Variants in PLSCR1 observed in about 807,000 individuals in gnomAD.
The protein encoded by PLSCR1 is PL scramblase 1.
A neutral mutation model predicts 37.8 loss-of-function variants in PLSCR1; 17 were observed. The observed-to-expected ratio is 0.45, with a 90% CI of 0.31 to 0.68. The LOEUF (loss-of-function observed/expected upper bound fraction) is 0.68. Ranked by LOEUF, PLSCR1 falls within the 30% of genes least tolerant of loss-of-function variation. The pLI, the probability that PLSCR1 is intolerant of heterozygous loss-of-function variation, is 0.06. For missense variants in PLSCR1, 347 were observed against 380.9 expected (o/e 0.91, Z 0.74); for synonymous variants, 116 against 125.9 (o/e 0.92, Z 0.53).
intron 3 of PLSCR1, 136 bp from the exon 4 acceptor site, chr3:146,528,967 C>T: frequency 1.5e-6 from 1 of 647,702 alleles, no homozygotes; most frequent in East Asian, 2.7e-5. Flanking sequence ...ATACGCTTTT[C>T]TCTTTCTGAG....
At chr3:146,521,801 T>C in intron 6 of PLSCR1, 32 bp downstream of exon 6, 1 of 1,588,280 alleles carries the variant, frequency 6.3e-7, no homozygotes, top group South Asian at 1.1e-5. Context: ...GCTGAACTAT[T>C]TTACAAAGTG....
intron 7 of PLSCR1, among the ~76,000 whole-genome samples, chr3:146,520,543 C>T (rs1336548033): frequency 5.9e-5 from 9 of 152,100 alleles, no homozygotes; most frequent in Non-Finnish European, 1.3e-4. Context: ...TTTAAAGTTT[C>T]TATATCACAT....
intron 4 of PLSCR1, 67 bp from the exon 5 acceptor site, chr3:146,525,714 T>A: frequency 1.4e-6 from 1 of 701,886 alleles, no homozygotes; most frequent in Non-Finnish European, 2.5e-6. Flanking sequence ...CTAACCAAAT[T>A]AAAATTCATG....
At chr3:146,537,797 A>G (rs1406621637) in intron 1 of PLSCR1, among the ~76,000 whole-genome samples, 1 of 152,078 alleles carries the variant, frequency 6.6e-6, no homozygotes, top group Non-Finnish European at 1.5e-5. Flanking sequence ...TTGAGCCTGG[A>G]ATATTGACGG....
At chr3:146,527,483 T>C (rs1237590609) in intron 4 of PLSCR1, among the ~76,000 whole-genome samples, 1 of 152,182 alleles carries the variant, frequency 6.6e-6, no homozygotes, top group African/African-American at 2.4e-5. Flanking sequence ...CAAAAACAAT[T>C]CAAAAGGTAG....
In PLSCR1 at chr3:146,528,782, G is replaced by T; in HGVS notation, c.144C>A (p.Pro48=). 6.2e-7 allele frequency: 1 copy of T among 1,614,186 alleles called. No homozygotes were observed. The highest frequency in any genetic ancestry group is 1.3e-5 in the African/African-American group (1 of 75,056). Residue 48 remains proline (P), a synonymous_variant, in exon 4 of 9, where the codon CCC becomes CCA. Coordinates refer to ENST00000342435, the MANE Select transcript of PLSCR1 (RefSeq NM_021105.3). ...CAGGACCTGAATGGCCGGCTGGTGG[G>T]GGTGGGTAGCTGACCTGGGGCCCAG... ...GYPGPQVSYP[P]PPAGHSGPGP...
rs146542787 is a variant in PLSCR1, at chr3:146,542,441, C to T, written c.-14+2026G>A. Among the ~76,000 whole-genome samples the T allele has an allele frequency of 1.4e-3, 216 of 152,308 alleles. 1 individual carries two copies. The highest frequency in any genetic ancestry group is 4.8e-3 in the African/African-American group (200 of 41,562). Reference sequence around the variant, plus strand: ...GTGTAAGTAAATTCTATGACGTTCTCACAACCACAAAATTGCCTCATGATG... The same window carrying T: ...GTGTAAGTAAATTCTATGACGTTCTTACAACCACAAAATTGCCTCATGATG... On this transcript the variant is annotated intron_variant, in intron 1 of 8. Coordinates refer to ENST00000342435, the MANE Select transcript of PLSCR1 (RefSeq NM_021105.3).
At chr3:146,529,595 C>G (rs2044168337) in intron 3 of PLSCR1, among the ~76,000 whole-genome samples, 1 of 151,772 alleles carries the variant, frequency 6.6e-6, no homozygotes, top group African/African-American at 2.4e-5. Flanking sequence ...TCACTGCAAG[C>G]TCCACCTCCT....
intron 1 of PLSCR1, among the ~76,000 whole-genome samples, chr3:146,542,787 A>G (rs974356070): frequency 6.6e-6 from 1 of 152,208 alleles, no homozygotes; most frequent in Non-Finnish European, 1.5e-5. Flanking sequence ...CTTCCTATAT[A>G]AATATTCACT....
chr3:146,538,356 A>G (rs2044293351), intron 1 of PLSCR1, among the ~76,000 whole-genome samples: 1 of 152,190 alleles, frequency 6.6e-6, no homozygotes, highest in Non-Finnish European at 1.5e-5. Flanking sequence ...TCTACCATCA[A>G]AGACTATACT....
chr3:146,539,571 G>C (rs2044310497), intron 1 of PLSCR1, among the ~76,000 whole-genome samples: 1 of 152,118 alleles, frequency 6.6e-6, no homozygotes, highest in Non-Finnish European at 1.5e-5. Flanking sequence ...CCTTTCACAA[G>C]GTCAGAGATC....
At chr3:146,539,753 G>C (rs539627802) in intron 1 of PLSCR1, among the ~76,000 whole-genome samples, 3 of 152,066 alleles carry the variant, frequency 2.0e-5, no homozygotes, top group Non-Finnish European at 4.4e-5. Context: ...ATAAAATCTG[G>C]GTCTTTGCTT....
chr3:146,518,759 T>G (rs1362546828), intron 7 of PLSCR1, among the ~76,000 whole-genome samples: 2 of 152,186 alleles, frequency 1.3e-5, no homozygotes, highest in Admixed American at 1.3e-4. Flanking sequence ...ATAATGATCT[T>G]CAACCAATAA....
In PLSCR1 at chr3:146,528,765, G is replaced by A. The variant is rs528799977; in HGVS notation, c.161C>T (p.Ser54Leu). The A allele has an allele frequency of 6.2e-7, 1 of 1,614,202 alleles. No individual in the cohort carries two copies. The highest frequency in any genetic ancestry group is 8.5e-7 in the Non-Finnish European group (1 of 1,180,026). ...VSYPPPPAGH[S>L]GPGPAGFPVP... ...AGGAAAGCCAGCTGGGCCAGGACCTGAATGGCCGGCTGGTGGGGGTGGGTA... is the reference window on the plus strand; with the variant it reads ...AGGAAAGCCAGCTGGGCCAGGACCTAAATGGCCGGCTGGTGGGGGTGGGTA... The change falls in exon 4 of 9, where the codon TCA becomes TTA. Residue 54 changes from serine to leucine, a missense_variant. Coordinates refer to ENST00000342435, the MANE Select transcript of PLSCR1 (RefSeq NM_021105.3).
At chr3:146,521,457 T>A (rs1311255556) in intron 7 of PLSCR1, 87 bp downstream of exon 7, 2 of 1,134,846 alleles carry the variant, frequency 1.8e-6, no homozygotes, top group Non-Finnish European at 2.6e-6. Flanking sequence ...CACACAACAC[T>A]TATTTAATGC....
Position 146,528,798 on chromosome 3 carries a change from T to C in PLSCR1, c.128A>G (p.Gln43Arg). Residue 43 changes from glutamine (Q) to arginine (R), a missense_variant, in exon 4 of 9, where the codon CAG (glutamine) becomes CGG (arginine). Coordinates refer to ENST00000342435, the MANE Select transcript of PLSCR1 (RefSeq NM_021105.3). ...GGCTGGTGGGGGTGGGTAGCTGACCTGGGGCCCAGGGTAGCCACTATATCC... is the reference window on the plus strand; with the variant it reads ...GGCTGGTGGGGGTGGGTAGCTGACCCGGGGCCCAGGGTAGCCACTATATCC... ...PPGYSGYPGP[Q>R]VSYPPPPAGH... 1.2e-6 allele frequency: 2 copies of C among 1,613,478 alleles called. No individual in the cohort carries two copies. The highest frequency in any genetic ancestry group is 1.7e-6 in the Non-Finnish European group (2 of 1,179,894).
At chr3:146,520,118 T>C (rs1245475134) in intron 7 of PLSCR1, 2 of 152,104 alleles carry the variant, frequency 1.3e-5, no homozygotes, top group African/African-American at 4.8e-5. Flanking sequence ...GTCAACTCTA[T>C]GGAAAATTCT....
At chr3:146,516,892 G>A (rs1414328118) in intron 8 of PLSCR1, 114 bp downstream of exon 8, 2 of 748,548 alleles carry the variant, frequency 2.7e-6, no homozygotes, top group Non-Finnish European at 4.3e-6. Context: ...TGGGAATCCT[G>A]ATTTAAAATC....
chr3:146,530,090 A>C (rs973419850), intron 3 of PLSCR1, among the ~76,000 whole-genome samples: 25 of 152,216 alleles, frequency 1.6e-4, no homozygotes, highest in African/African-American at 5.8e-4. Context: ...GTGTGATTAC[A>C]ATGAAGATTT....
Sources: allele counts gnomAD v4.1 joint callset (sites outside exome capture counted in the v4.1 genomes callset), GRCh38; gene constraint gnomAD v4.1.1; transcripts MANE v1.5; gene names NCBI Gene and HGNC (gene_info 2026-07-23, HGNC 2026-07-21).